Variants in SH3BGRL2 observed in about 807,000 individuals in gnomAD.
SH3BGRL2 encodes SH3 domain-binding glutamic acid-rich-like protein 2.
Under a neutral mutation model 14.8 loss-of-function variants are expected in SH3BGRL2, and 21 were observed. The ratio of observed to expected loss-of-function variants is 1.42; its 90% CI spans 1.01 to 2.05. The LOEUF (loss-of-function observed/expected upper bound fraction) is 2.05. Among genes scored for constraint, SH3BGRL2 ranks in the 30% most tolerant of loss-of-function variants. SH3BGRL2 has a pLI of 0.00. For missense variants in SH3BGRL2, 147 were observed against 130.8 expected (o/e 1.12, Z -0.61); for synonymous variants, 50 against 47.8 (o/e 1.05, Z -0.19).
chr6:79,623,280 C>A, the SH3BGRL2 span, among the ~76,000 whole-genome samples: 1 of 145,164 alleles, frequency 6.9e-6, no homozygotes, highest in South Asian at 2.2e-4. Context: ...CTGGCCTGGG[C>A]GATACAGTGA....
the SH3BGRL2 span, among the ~76,000 whole-genome samples, chr6:79,595,843 A>G: frequency 6.6e-6 from 1 of 152,364 alleles, no homozygotes; most frequent in African/African-American, 2.4e-5. Context: ...AAGAAAATAA[A>G]ATAAAAGGCA....
chr6:79,611,705 C>A, the SH3BGRL2 span, among the ~76,000 whole-genome samples: 3 of 152,170 alleles, frequency 2.0e-5, no homozygotes, highest in East Asian at 5.8e-4. Context: ...AGCCACCACG[C>A]CTGGCCCTAC....
chr6:79,551,691 T>C, the SH3BGRL2 span, among the ~76,000 whole-genome samples: 4 of 152,268 alleles, frequency 2.6e-5, no homozygotes, highest in Admixed American at 2.6e-4. Context: ...TTCATGAAGG[T>C]GGTCCTAAAG....
intron 2 of SH3BGRL2, among the ~76,000 whole-genome samples, chr6:79,676,250 G>A (rs1404919842): frequency 6.6e-6 from 1 of 152,002 alleles, no homozygotes; most frequent in Non-Finnish European, 1.5e-5. Flanking sequence ...GTGCCCATGT[G>A]TATACATTTT....
At chr6:79,680,641 T>C (rs1769971289) in intron 2 of SH3BGRL2, among the ~76,000 whole-genome samples, 1 of 152,150 alleles carries the variant, frequency 6.6e-6, no homozygotes, top group Admixed American at 6.5e-5. Context: ...ATAGGGATCA[T>C]GTTGAATCTG....
intron 1 of SH3BGRL2, among the ~76,000 whole-genome samples, chr6:79,646,286 G>A (rs565342744): frequency 2.0e-5 from 3 of 152,324 alleles, no homozygotes; most frequent in Non-Finnish European, 2.9e-5. Context: ...TGAAGAGATC[G>A]TTTAATTCAT....
At chr6:79,605,686 CTGCTAG>C in the SH3BGRL2 span, among the ~76,000 whole-genome samples, 1 of 152,214 alleles carries the variant, frequency 6.6e-6, no homozygotes, top group South Asian at 2.1e-4. Context: ...TATCAATTGA[CTGCTAG>C]TGCAGTATTC....
chr6:79,594,675 G>A, the SH3BGRL2 span, among the ~76,000 whole-genome samples: 1 of 152,140 alleles, frequency 6.6e-6, no homozygotes, highest in East Asian at 1.9e-4. Context: ...GGTAGCCATG[G>A]AGTTATCAGG....
chr6:79,582,939 GA>G, the SH3BGRL2 span, among the ~76,000 whole-genome samples: 1 of 151,680 alleles, frequency 6.6e-6, no homozygotes, highest in Non-Finnish European at 1.5e-5. Context: ...AAATTTACAA[GA>G]AAAAAAATAA....
intron 3 of SH3BGRL2, among the ~76,000 whole-genome samples, chr6:79,697,508 C>T (rs1236754626): frequency 6.6e-6 from 1 of 152,124 alleles, no homozygotes; most frequent in East Asian, 1.9e-4. Context: ...CCATCTCTGG[C>T]ATACCTGTAG....
the SH3BGRL2 span, among the ~76,000 whole-genome samples, chr6:79,541,044 G>A: frequency 6.6e-6 from 1 of 152,100 alleles, no homozygotes; most frequent in East Asian, 1.9e-4. Flanking sequence ...CTTGAGGTGA[G>A]GAGTTTGAGA....
At chr6:79,616,181 G>A in the SH3BGRL2 span, among the ~76,000 whole-genome samples, 1 of 152,128 alleles carries the variant, frequency 6.6e-6, no homozygotes, top group Non-Finnish European at 1.5e-5. Context: ...ACCTTCTTCT[G>A]TTGTGTTTGG....
At chr6:79,543,463 A>T in the SH3BGRL2 span, among the ~76,000 whole-genome samples, 1 of 152,194 alleles carries the variant, frequency 6.6e-6, no homozygotes, top group Non-Finnish European at 1.5e-5. Flanking sequence ...AAAAAGGAAA[A>T]TATTGCTGGT....
At chr6:79,599,410 C>T in the SH3BGRL2 span, among the ~76,000 whole-genome samples, 3 of 147,960 alleles carry the variant, frequency 2.0e-5, no homozygotes, top group Admixed American at 2.0e-4. Flanking sequence ...TCACTCTCGT[C>T]ACCCAGGCTG....
chr6:79,612,804 C>A, the SH3BGRL2 span, among the ~76,000 whole-genome samples: 6 of 152,182 alleles, frequency 3.9e-5, no homozygotes, highest in African/African-American at 1.4e-4. Context: ...TTAGTATTTG[C>A]CACAAAAATC....
At chr6:79,672,780 CTT>C (rs1193034342) in intron 1 of SH3BGRL2, among the ~76,000 whole-genome samples, 1 of 152,126 alleles carries the variant, frequency 6.6e-6, no homozygotes, top group Non-Finnish European at 1.5e-5. Flanking sequence ...ATTTTGAAAA[CTT>C]TGCAGAGATG....
intron 1 of SH3BGRL2, among the ~76,000 whole-genome samples, chr6:79,661,344 T>A (rs962353636): frequency 6.6e-6 from 1 of 152,210 alleles, no homozygotes; most frequent in Non-Finnish European, 1.5e-5. Flanking sequence ...TTGTTCTCAT[T>A]GGTTTCAAAG....
At chr6:79,613,833 C>G in the SH3BGRL2 span, among the ~76,000 whole-genome samples, 1 of 152,190 alleles carries the variant, frequency 6.6e-6, no homozygotes, top group African/African-American at 2.4e-5. Context: ...GTCTTGAACT[C>G]TTGAACTCAG....
chr6:79,579,862 A>G, the SH3BGRL2 span, among the ~76,000 whole-genome samples: 3 of 152,244 alleles, frequency 2.0e-5, no homozygotes, highest in South Asian at 2.1e-4. Context: ...GACAAATTGG[A>G]TAGAGTCAAG....
Sources: gnomAD v4.1 joint callset for allele counts (sites outside exome capture counted in the v4.1 genomes callset) on GRCh38, gnomAD v4.1.1 for gene constraint, MANE v1.5 for transcripts, NCBI Gene and HGNC (gene_info 2026-07-23, HGNC 2026-07-21) for gene names.